The following ZFPL1 variants were observed in gnomAD, a reference collection of about 807,000 sequenced individuals.
ZFPL1 encodes zinc finger protein-like 1.
Under a neutral mutation model 32.0 loss-of-function variants are expected in ZFPL1, and 28 were observed. That is an observed-to-expected ratio of 0.87 (90% CI 0.65 to 1.20). The LOEUF (loss-of-function observed/expected upper bound fraction) is 1.20, where lower values mean the gene tolerates loss of function less well. Ranked by LOEUF, ZFPL1 falls within the 50% of genes most tolerant of loss-of-function variation. The pLI is 0.00. For synonymous variants in ZFPL1, 165 were observed against 177.0 expected (o/e 0.93, Z 0.54); for missense variants, 386 against 424.8 (o/e 0.91, Z 0.80).
In ZFPL1 at chr11:65,088,121, T is replaced by G; in HGVS notation, c.*7T>G. The G allele has an allele frequency of 6.2e-7, 1 of 1,603,194 alleles. No individual in the cohort carries two copies. The highest frequency in any genetic ancestry group is 8.5e-7 in the Non-Finnish European group (1 of 1,177,908). Reference sequence around the variant, plus strand: ...CCGCGTGGGCCCCTCCTGAGCCCCCTTGCTTGTGGCTAGGCCAGCCTAGGA... The same window carrying G: ...CCGCGTGGGCCCCTCCTGAGCCCCCGTGCTTGTGGCTAGGCCAGCCTAGGA... On this transcript the variant is annotated 3_prime_UTR_variant, in exon 8 of 8. Coordinates refer to ENST00000294258, the MANE Select transcript of ZFPL1 (RefSeq NM_006782.4).
rs753950176 is a variant in ZFPL1, at chr11:65,087,951, G to T, written c.770G>T (p.Arg257Leu). The change falls in exon 8 of 8, where the codon CGG becomes CTG. Residue 257 changes from arginine to leucine, a missense_variant. Transcript: ENST00000294258. ...AGGAGCCGGGCTGGGTCTCGGAAGC[G>T]GCCGCTGACCCTGCTCCAGCGGGCG... ...LLRSRAGSRK[R>L]PLTLLQRAGL... 10 of 1,565,818 alleles carry T rather than the reference G, an allele frequency of 6.4e-6. No homozygotes were observed. The East Asian group carries it at 2.1e-4, about 33-fold the overall frequency.
At chr11:65,085,317 G>T (rs1947665815) in intron 3 of ZFPL1, 91 bp downstream of exon 3, 1 of 1,092,426 alleles carries the variant, frequency 9.2e-7, no homozygotes. Flanking sequence ...GCAGGACAGT[G>T]AGTCCCCCGA....
In ZFPL1 at chr11:65,088,100, G is replaced by T. The variant is rs771322550; in HGVS notation, c.919G>T (p.Val307Leu). ...CCCACTCATGAACCCTCACATCCGCGTGGGCCCCTCCTGAGCCCCCTTGCT... is the reference window on the plus strand; with the variant it reads ...CCCACTCATGAACCCTCACATCCGCTTGGGCCCCTCCTGAGCCCCCTTGCT... Reference protein sequence around the residue: ...LDPLMNPHIRVGPS With the variant: ...LDPLMNPHIRLGPS The change falls in exon 8 of 8, where the codon GTG (valine) becomes TTG (leucine). Residue 307 changes from valine to leucine, a missense_variant. Physicochemically the swap from Val to Leu is conservative, Grantham distance 32. Transcript: ENST00000294258. 1 of 1,609,446 alleles carries T rather than the reference G, an allele frequency of 6.2e-7. No homozygotes were observed. Among genetic ancestry groups the T allele is most frequent in the Non-Finnish European group, 8.5e-7 (1 of 1,179,256 alleles).
chr11:65,088,325 C>G lies in ZFPL1; in HGVS notation c.*211C>G. The G allele has an allele frequency of 8.6e-7, 1 of 1,156,736 alleles. No homozygotes were observed. 71.7% of individuals were successfully genotyped at this position (1,156,736 alleles called of 1,614,324 possible). A position where few individuals can be genotyped will look rare whatever the true frequency, so the allele number is the denominator to read the frequency against. On this transcript the variant is annotated 3_prime_UTR_variant, in exon 8 of 8. Transcript: ENST00000294258. ...GCATTTGTCTTGACTTGCTTTCCTC[C>G]CGGGTCTCCAGCCTCCGACCCCTCG... is the stretch of plus-strand genomic sequence containing the variant.
intron 2 of ZFPL1, 40 bp from the exon 3 acceptor site, chr11:65,085,075 C>T: frequency 6.3e-7 from 1 of 1,582,860 alleles, no homozygotes; most frequent in South Asian, 1.1e-5. Flanking sequence ...ATAGGCCGAG[C>T]AGCCCCAGCA....
chr11:65,085,842 AATGT>A (rs929511754), intron 3 of ZFPL1: 2 of 194,346 alleles, frequency 1.0e-5, no homozygotes, highest in African/African-American at 4.8e-5. Context: ...TGAATGGGTA[AATGT>A]ATGTATGTGA....
In ZFPL1 at chr11:65,086,974, C is replaced by T. The variant is rs773559533; in HGVS notation, c.528C>T (p.Ala176=). The T allele has an allele frequency of 1.2e-6, 2 of 1,613,956 alleles. No individual in the cohort carries two copies. The highest frequency in any genetic ancestry group is 2.7e-5 in the African/African-American group (2 of 74,910). The change falls in exon 6 of 8, where the codon GCC becomes GCT. Residue 176 remains alanine, a synonymous_variant. Coordinates refer to ENST00000294258, the MANE Select transcript of ZFPL1 (RefSeq NM_006782.4). ...GPEEVDSASA[A]PAFYSQAPRP... ...AGGAGGTAGACAGCGCCTCTGCTGC[C>T]CCAGCCTTCTACAGCCAGGCCCCCC... is the stretch of plus-strand genomic sequence containing the variant.
chr11:65,087,808 AT>A (rs1355919567), intron 7 of ZFPL1, 119 bp from the exon 8 acceptor site: 8 of 1,083,814 alleles, frequency 7.4e-6, no homozygotes, highest in Admixed American at 5.4e-5. Flanking sequence ...AGGAGTGATC[AT>A]CCCTGAGGCA....
In ZFPL1 at chr11:65,086,719, G is replaced by A. The variant is rs1240353045; in HGVS notation, c.409-1G>A. On this transcript the variant is annotated splice_acceptor_variant, in intron 4 of 7. Transcript: ENST00000294258. LOFTEE classifies it high-confidence loss of function. ...CTGGTGACCCAGATTCCTTCCTCCA[G>A]ATCGATGAGGTGGTGAGCCCAGAGC... 6.2e-7 allele frequency: 1 copy of A among 1,614,226 alleles called. No homozygotes were observed. The highest frequency in any genetic ancestry group is 1.1e-5 in the South Asian group (1 of 91,086).
intron 5 of ZFPL1, 46 bp downstream of exon 5, chr11:65,086,838 T>G: frequency 6.2e-7 from 1 of 1,614,134 alleles, no homozygotes; most frequent in South Asian, 1.1e-5. Flanking sequence ...GCCTCCCTGC[T>G]CTGCTGACAG....
rs950950134 is a variant in ZFPL1 at position 65,086,210 on chromosome 11, C to A, written c.215-205C>A. On this transcript the variant is annotated intron_variant, in intron 3 of 7. Transcript: ENST00000294258. ...TCCTACCCAAACTTACCCCTGTGAG[C>A]TGGACAGCTTGGTAGCACCTGCCTG... 5.7e-6 allele frequency: 4 copies of A among 705,750 alleles called. No individual in the cohort carries two copies. In the African/African-American group the frequency reaches 7.1e-5, roughly 13 times the overall value. 43.7% of individuals were successfully genotyped at this position (705,750 alleles called of 1,614,324 possible). A position where few individuals can be genotyped will look rare whatever the true frequency, so the allele number is the denominator to read the frequency against.
In ZFPL1 at chr11:65,084,731, G is replaced by C; in HGVS notation, c.33G>C (p.Val11=). Residue 11 remains valine, a synonymous_variant, in exon 2 of 8, where the codon GTG becomes GTC. Coordinates refer to ENST00000294258, the MANE Select transcript of ZFPL1 (RefSeq NM_006782.4). MGLCKCPKRK[V]TNLFCFEHRV... ...TTTGTAAGTGCCCCAAGAGAAAGGTGACCAACCTGTTCTGCTTCGAACATC... is the reference window on the plus strand; with the variant it reads ...TTTGTAAGTGCCCCAAGAGAAAGGTCACCAACCTGTTCTGCTTCGAACATC... The C allele has an allele frequency of 1.2e-6, 2 of 1,614,120 alleles. No homozygotes were observed. Among genetic ancestry groups the C allele is most frequent in the Non-Finnish European group, 1.7e-6 (2 of 1,180,014 alleles).
intron 3 of ZFPL1, chr11:65,086,111 A>G (rs1001856820): frequency 2.2e-5 from 10 of 461,896 alleles, no homozygotes; most frequent in Middle Eastern, 6.0e-4. Context: ...ATTAGCCATT[A>G]GCCCAAAGAA....
At position 65,087,036 on chromosome 11, in the gene ZFPL1, C is replaced by CAGT; in HGVS notation, c.591_593dup (p.Val198dup). On this transcript the variant is annotated inframe_insertion, in exon 6 of 8. Transcript: ENST00000294258. Reference sequence around the variant, plus strand: ...TCCCCAGGCCGGCCCGAGCAGCACACAGTGATCCACATGGGCAATCCTGAG... The same window carrying CAGT: ...TCCCCAGGCCGGCCCGAGCAGCACACAGTAGTGATCCACATGGGCAATCCTGAG... 1 of 1,613,972 alleles carries CAGT rather than the reference C, an allele frequency of 6.2e-7. No homozygotes were observed. Among genetic ancestry groups the CAGT allele is most frequent in the Non-Finnish European group, 8.5e-7 (1 of 1,179,964 alleles).
rs1045544265 is a variant in ZFPL1, at chr11:65,088,099, C to T, written c.918C>T (p.Arg306=). The T allele has an allele frequency of 2.7e-5, 44 of 1,609,864 alleles. No homozygotes were observed. Among genetic ancestry groups the T allele is most frequent in the East Asian group, 4.5e-5 (2 of 44,872 alleles). The change falls in exon 8 of 8, where the codon CGC becomes CGT. Residue 306 remains arginine, a synonymous_variant. Transcript: ENST00000294258. ...NLDPLMNPHI[R]VGPS Reference sequence around the variant, plus strand: ...ACCCACTCATGAACCCTCACATCCGCGTGGGCCCCTCCTGAGCCCCCTTGC... The same window carrying T: ...ACCCACTCATGAACCCTCACATCCGTGTGGGCCCCTCCTGAGCCCCCTTGC...
In ZFPL1 at chr11:65,084,785, A is replaced by G. The variant is rs749685552; in HGVS notation, c.87A>G (p.Val29=). Reference sequence around the variant, plus strand: ...TCAACGTCTGCGAGCACTGCCTGGTAGCCAATCACGCCAAGGTGGGGCCTT... The same window carrying G: ...TCAACGTCTGCGAGCACTGCCTGGTGGCCAATCACGCCAAGGTGGGGCCTT... ...HRVNVCEHCL[V]ANHAKCIVQS... is the part of the protein sequence containing the mutation. The change falls in exon 2 of 8, where the codon GTA becomes GTG. Residue 29 remains valine (V), a synonymous_variant. Coordinates refer to ENST00000294258, the MANE Select transcript of ZFPL1 (RefSeq NM_006782.4). 2 of 1,614,148 alleles carry G rather than the reference A, an allele frequency of 1.2e-6. No homozygotes were observed. Among genetic ancestry groups the G allele is most frequent in the Non-Finnish European group, 8.5e-7 (1 of 1,180,026 alleles).
rs201856069 is a variant in ZFPL1 at position 65,087,022 on chromosome 11, G to C, written c.576G>C (p.Arg192=). 98 of 1,613,760 alleles carry C rather than the reference G, an allele frequency of 6.1e-5. No individual in the cohort carries two copies. Among genetic ancestry groups the C allele is most frequent in the Non-Finnish European group, 7.8e-5 (92 of 1,179,972 alleles). The change falls in exon 6 of 8, where the codon CGG becomes CGC. Residue 192 remains arginine (R), a synonymous_variant. Coordinates refer to ENST00000294258, the MANE Select transcript of ZFPL1 (RefSeq NM_006782.4). ...QAPRPPASPG[R]PEQHTVIHMG... ...CCCGGCCCCCAGCTTCCCCAGGCCG[G>C]CCCGAGCAGCACACAGTGATCCACA...
Position 65,084,250 on chromosome 11 carries a change from G to A in ZFPL1, c.-137G>A, listed in dbSNP as rs1947645314. Reference sequence around the variant, plus strand: ...GACGTGGCAGCGGAGGGATAATCGGGGCGGCCGGGGCTGAAGGGAGAGGCG... The same window carrying A: ...GACGTGGCAGCGGAGGGATAATCGGAGCGGCCGGGGCTGAAGGGAGAGGCG... On this transcript the variant is annotated 5_prime_UTR_variant, in exon 1 of 8. Coordinates refer to ENST00000294258, the MANE Select transcript of ZFPL1 (RefSeq NM_006782.4). The A allele has an allele frequency of 1.7e-6, 1 of 573,668 alleles. No homozygotes were observed. The highest frequency in any genetic ancestry group is 1.9e-5 in the African/African-American group (1 of 52,736). The allele number at this position is 573,668 out of a possible 1,614,324, so 35.5% of individuals were successfully genotyped here. A position where few individuals can be genotyped will look rare whatever the true frequency, so the allele number is the denominator to read the frequency against.
chr11:65,085,053 G>C (rs1947660467), intron 2 of ZFPL1, 62 bp from the exon 3 acceptor site: 1 of 1,496,238 alleles, frequency 6.7e-7, no homozygotes, highest in Non-Finnish European at 9.3e-7. Context: ...GAGACAGTCG[G>C]ACCTTGGGGT....
Sources: gnomAD v4.1 joint callset for allele counts on GRCh38, gnomAD v4.1.1 for gene constraint, MANE v1.5 for transcripts, NCBI Gene and HGNC (gene_info 2026-07-23, HGNC 2026-07-21) for gene names.